OR7E24: variants seen among roughly 807,000 people sequenced by gnomAD.
OR7E24 encodes olfactory receptor 7E24.
For synonymous variants in OR7E24, 130 were observed against 157.5 expected (o/e 0.83, Z 1.31); for missense variants, 385 against 410.3 (o/e 0.94, Z 0.53).
At chr19:9,237,337 G>A in the OR7E24 span, among the ~76,000 whole-genome samples, 1 of 151,292 alleles carries the variant, frequency 6.6e-6, no homozygotes, top group Non-Finnish European at 1.5e-5. Context: ...TTGAGACGGA[G>A]TCTCGCTCTG....
the OR7E24 span, chr19:9,214,510 T>C: frequency 1.2e-6 from 2 of 1,614,116 alleles, no homozygotes; most frequent in Admixed American, 1.7e-5. Flanking sequence ...AAAGTATCCA[T>C]TCCAGCAAAC....
In OR7E24 at chr19:9,251,913, G is replaced by C. The variant is rs768175906; in HGVS notation, c.870G>C (p.Met290Ile). Residue 290 changes from methionine to isoleucine, a missense_variant, in exon 1 of 1, where the codon ATG becomes ATC. Physicochemically the swap from Met to Ile is conservative, Grantham distance 10. Coordinates refer to ENST00000456448, the MANE Select transcript of OR7E24 (RefSeq NM_001079935.2). ...TGTTACCATCCCCCAGGAAGAGTAT[G>C]GTGGCTTCAGTGATGTACACTGTGG... ...SAVLPSPRKS[M>I]VASVMYTVVT... 102 of 1,614,008 alleles carry C rather than the reference G, an allele frequency of 6.3e-5. No homozygotes were observed. Among genetic ancestry groups the C allele is most frequent in the Middle Eastern group, 3.3e-4 (2 of 6,084 alleles).
the OR7E24 span, among the ~76,000 whole-genome samples, chr19:9,228,282 T>C: frequency 6.6e-6 from 1 of 152,240 alleles, no homozygotes; most frequent in African/African-American, 2.4e-5. Context: ...ATGATTTTTC[T>C]TTGTCTTATG....
chr19:9,207,245 A>G, the OR7E24 span: 1 of 152,256 alleles, frequency 6.6e-6, no homozygotes, highest in East Asian at 1.9e-4. Context: ...ATAACATGGT[A>G]ACAACATCCC....
chr19:9,214,554 A>G, the OR7E24 span: 282 of 1,614,164 alleles, frequency 1.7e-4, 1 homozygote, highest in South Asian at 2.9e-3. Context: ...GAGGCACCCC[A>G]TGTAGGAGAT....
chr19:9,235,748 C>T, the OR7E24 span: 10 of 1,606,236 alleles, frequency 6.2e-6, no homozygotes, highest in Admixed American at 3.3e-5. Context: ...TTGTATGTGG[C>T]CATGGCACTG....
At chr19:9,223,369 A>G in the OR7E24 span, among the ~76,000 whole-genome samples, 3 of 152,238 alleles carry the variant, frequency 2.0e-5, no homozygotes, top group Non-Finnish European at 4.4e-5. Context: ...CCAATGATAA[A>G]GGCTGGAAAA....
the OR7E24 span, among the ~76,000 whole-genome samples, chr19:9,232,072 C>CT: frequency 6.6e-6 from 1 of 152,070 alleles, no homozygotes; most frequent in Non-Finnish European, 1.5e-5. Flanking sequence ...AAAATCATTT[C>CT]TTTTTTAACA....
the OR7E24 span, among the ~76,000 whole-genome samples, chr19:9,241,301 T>C: frequency 6.6e-6 from 1 of 152,194 alleles, no homozygotes; most frequent in South Asian, 2.1e-4. Flanking sequence ...TAAGTGGTGG[T>C]TGTCAGAGAG....
the OR7E24 span, chr19:9,213,457 T>G: frequency 1.3e-5 from 2 of 153,306 alleles, no homozygotes; most frequent in Non-Finnish European, 1.4e-5. Context: ...AGAAACACAT[T>G]GGCCAGGCAC....
At chr19:9,235,303 C>T in the OR7E24 span, 78 of 1,258,012 alleles carry the variant, frequency 6.2e-5, no homozygotes, top group Non-Finnish European at 7.6e-5. Context: ...CTCTGACTCC[C>T]ACCTCCACAG....
chr19:9,244,957 A>G (rs2066125041), upstream of OR7E24, among the ~76,000 whole-genome samples: 1 of 152,110 alleles, frequency 6.6e-6, no homozygotes, highest in South Asian at 2.1e-4. Flanking sequence ...TAATCCCAGC[A>G]CTCTGGGAGG....
At chr19:9,248,660 G>T (rs1420296543), upstream of OR7E24, among the ~76,000 whole-genome samples, 4 of 152,184 alleles carry the variant, frequency 2.6e-5, no homozygotes, top group Admixed American at 2.6e-4. Context: ...ACTGGCACAG[G>T]ATCACTCAGG....
chr19:9,224,960 C>G, the OR7E24 span, among the ~76,000 whole-genome samples: 1 of 152,140 alleles, frequency 6.6e-6, no homozygotes, highest in African/African-American at 2.4e-5. Context: ...TTTTCACAAT[C>G]AATGGTCAAA....
upstream of OR7E24, among the ~76,000 whole-genome samples, chr19:9,248,243 G>A (rs1340233993): frequency 6.6e-6 from 1 of 152,118 alleles, no homozygotes. Context: ...TTCTTACTGA[G>A]GGCTTCCTAA....
chr19:9,207,784 C>T, the OR7E24 span: 2 of 152,108 alleles, frequency 1.3e-5, no homozygotes, highest in African/African-American at 4.8e-5. Flanking sequence ...CTCTGTTTTC[C>T]ATCTGGTGTT....
At chr19:9,242,029 TATC>T in the OR7E24 span, among the ~76,000 whole-genome samples, 1 of 152,194 alleles carries the variant, frequency 6.6e-6, no homozygotes, top group Non-Finnish European at 1.5e-5. Flanking sequence ...TTGAAACACT[TATC>T]ATATCGAGTG....
At chr19:9,234,101 A>T in the OR7E24 span, among the ~76,000 whole-genome samples, 1 of 152,166 alleles carries the variant, frequency 6.6e-6, no homozygotes, top group South Asian at 2.1e-4. Flanking sequence ...ACGGGGTTTC[A>T]CCATGTTGGC....
At chr19:9,223,676 A>G in the OR7E24 span, among the ~76,000 whole-genome samples, 2 of 148,096 alleles carry the variant, frequency 1.4e-5, no homozygotes, top group East Asian at 4.0e-4. Context: ...CTCATTTTTT[A>G]TTGTACTCAC....
Sources: gnomAD v4.1 joint callset for allele counts (sites outside exome capture counted in the v4.1 genomes callset) on GRCh38, gnomAD v4.1.1 for gene constraint, MANE v1.5 for transcripts, NCBI Gene and HGNC (gene_info 2026-07-23, HGNC 2026-07-21) for gene names.